Variants in SMPD3 observed in about 807,000 individuals in gnomAD.
SMPD3 encodes sphingomyelin phosphodiesterase 3.
In SMPD3, 21 loss-of-function variants were observed where a neutral mutation model predicts 55.7. That is an observed-to-expected ratio of 0.38 (90% CI 0.27 to 0.54). The LOEUF (loss-of-function observed/expected upper bound fraction) is 0.54, where lower values mean the gene tolerates loss of function less well. Among genes scored for constraint, SMPD3 ranks in the 20% least tolerant of loss-of-function variants. The pLI is 0.80. For missense variants in SMPD3, 842 were observed against 899.6 expected (o/e 0.94, Z 0.82); for synonymous variants, 457 against 404.3 (o/e 1.13, Z -1.56).
chr16:68,361,480 G>A (rs1432331844), intron 8 of SMPD3, 123 bp downstream of exon 8: 1 of 1,444,660 alleles, frequency 6.9e-7, no homozygotes, highest in Non-Finnish European at 9.4e-7. Flanking sequence ...CTGAGGGAGT[G>A]ATGGGTATCA....
In SMPD3 at chr16:68,372,378, A is replaced by G. The variant is rs1597608735; in HGVS notation, c.-197T>C. On this transcript the variant is annotated 5_prime_UTR_variant, in exon 3 of 9. Coordinates refer to ENST00000219334, the MANE Select transcript of SMPD3 (RefSeq NM_018667.4). ...ACCTCGGTGGGCCATGCGGAGGCCT[A>G]CTGCAGACCCTGCAGAGACAAAAGT... The G allele has an allele frequency of 1.5e-6, 1 of 672,442 alleles. No homozygotes were observed. Among genetic ancestry groups the G allele is most frequent in the East Asian group, 2.7e-5 (1 of 36,784 alleles). 41.7% of individuals were successfully genotyped at this position (672,442 alleles called of 1,614,324 possible).
chr16:68,402,715 G>C (rs1261223149), intron 1 of SMPD3, among the ~76,000 whole-genome samples: 1 of 152,156 alleles, frequency 6.6e-6, no homozygotes, highest in African/African-American at 2.4e-5. Context: ...GAGGCAACAA[G>C]GTTCTACGGA....
intron 2 of SMPD3, among the ~76,000 whole-genome samples, chr16:68,373,815 G>A (rs1212884231): frequency 2.6e-5 from 4 of 152,118 alleles, no homozygotes; most frequent in African/African-American, 9.7e-5. Context: ...CAGCCCCTCT[G>A]TCAGGCCTGC....
Position 68,361,614 on chromosome 16 carries a change from C to G in SMPD3, c.1855G>C (p.Asp619His). Reference sequence around the variant, plus strand: ...CCCTCCTGACTCACGGCCTTCCAGTCTGGGCACAGCCCCTCCTCTGCATGC... The same window carrying G: ...CCCTCCTGACTCACGGCCTTCCAGTGTGGGCACAGCCCCTCCTCTGCATGC... ...MLHAEEGLCPDWKAEVEEFSF... is the reference protein window; with the variant it reads ...MLHAEEGLCPHWKAEVEEFSF... Residue 619 changes from aspartate (D) to histidine (H), a missense_variant, in exon 8 of 9, where the codon GAC becomes CAC. Coordinates refer to ENST00000219334, the MANE Select transcript of SMPD3 (RefSeq NM_018667.4). 30 of 1,608,692 alleles carry G rather than the reference C, an allele frequency of 1.9e-5. No homozygotes were observed. The highest frequency in any genetic ancestry group is 2.5e-5 in the Non-Finnish European group (30 of 1,179,936).
intron 1 of SMPD3, among the ~76,000 whole-genome samples, chr16:68,445,927 C>A (rs570717399): frequency 6.6e-6 from 1 of 152,180 alleles, no homozygotes; most frequent in Non-Finnish European, 1.5e-5. Flanking sequence ...TAGTGTATGT[C>A]TGTGTTACCC....
At chr16:68,385,870 A>G (rs991704909) in intron 2 of SMPD3, among the ~76,000 whole-genome samples, 2 of 152,176 alleles carry the variant, frequency 1.3e-5, no homozygotes, top group African/African-American at 4.8e-5. Flanking sequence ...CAATTTACTG[A>G]TTGTTTGAGA....
chr16:68,437,420 C>A (rs1240336430), intron 1 of SMPD3, among the ~76,000 whole-genome samples: 1 of 152,220 alleles, frequency 6.6e-6, no homozygotes, highest in East Asian at 1.9e-4. Flanking sequence ...GCCAGATGAG[C>A]CCTTAACATT....
intron 1 of SMPD3, among the ~76,000 whole-genome samples, chr16:68,426,596 A>G (rs2090437927): frequency 6.6e-6 from 1 of 152,250 alleles, no homozygotes; most frequent in Non-Finnish European, 1.5e-5. Flanking sequence ...TGAAACAATG[A>G]AAAGCTCTTA....
rs147537503 is a variant in SMPD3, at chr16:68,370,377, G to A, written c.1323+482C>T. 9.3e-3 allele frequency: 1,483 copies of A among 160,050 alleles called. 25 individuals carry two copies. The highest frequency in any genetic ancestry group is 0.033 in the African/African-American group (1,373 of 41,584). The allele number at this position is 160,050 out of a possible 1,614,324, so 9.9% of individuals were successfully genotyped here. ...GCGGTGTCACGGCCTGGAGACCTGA[G>A]GGTCCCGTCTGCTTGCCTGATGCGC... is the stretch of plus-strand genomic sequence containing the variant. On this transcript the variant is annotated intron_variant, in intron 3 of 8. Transcript: ENST00000219334.
chr16:68,433,585 G>A (rs1210998892), intron 1 of SMPD3, among the ~76,000 whole-genome samples: 1 of 152,206 alleles, frequency 6.6e-6, no homozygotes, highest in Non-Finnish European at 1.5e-5. Context: ...GGACAACCAC[G>A]TTGGAGCTGC....
chr16:68,444,001 A>G (rs1362882463), intron 1 of SMPD3, among the ~76,000 whole-genome samples: 3 of 152,170 alleles, frequency 2.0e-5, no homozygotes, highest in African/African-American at 4.8e-5. Flanking sequence ...GATTAAATAC[A>G]TTCTTACATG....
intron 1 of SMPD3, among the ~76,000 whole-genome samples, chr16:68,428,131 G>C (rs2090450992): frequency 6.6e-6 from 1 of 152,132 alleles, no homozygotes. Flanking sequence ...CTCATCCTTG[G>C]AGCAGGGAAG....
chr16:68,378,085 C>T (rs1361097489), intron 2 of SMPD3, among the ~76,000 whole-genome samples: 1 of 152,208 alleles, frequency 6.6e-6, no homozygotes, highest in African/African-American at 2.4e-5. Context: ...GGCTGGGAGT[C>T]CCAGAGCAGA....
intron 2 of SMPD3, among the ~76,000 whole-genome samples, chr16:68,379,633 CAGG>C (rs1339858726): frequency 6.6e-6 from 1 of 152,194 alleles, no homozygotes; most frequent in African/African-American, 2.4e-5. Flanking sequence ...CGTCTCCTCG[CAGG>C]AGGTTATCAG....
At chr16:68,424,505 G>A (rs1327403877) in intron 1 of SMPD3, among the ~76,000 whole-genome samples, 11 of 152,096 alleles carry the variant, frequency 7.2e-5, no homozygotes, top group Admixed American at 7.2e-4. Context: ...CCTGGGAAAA[G>A]TAATTTTACT....
chr16:68,380,885 G>A (rs146574343), intron 2 of SMPD3, among the ~76,000 whole-genome samples: 52 of 152,356 alleles, frequency 3.4e-4, no homozygotes, highest in Middle Eastern at 3.4e-3. Context: ...TTCTGGAACG[G>A]ATTGGCCGAC....
Position 68,447,599 on chromosome 16 carries a change from G to A in SMPD3, c.-269+754C>T, listed in dbSNP as rs186625812. Among the ~76,000 whole-genome samples, 1 of 152,066 alleles carries A rather than the reference G, an allele frequency of 6.6e-6. No individual in the cohort carries two copies. The highest frequency in any genetic ancestry group is 2.1e-4 in the South Asian group (1 of 4,822). On this transcript the variant is annotated intron_variant, in intron 1 of 8. Coordinates refer to ENST00000219334, the MANE Select transcript of SMPD3 (RefSeq NM_018667.4). The surrounding 1 kb of genome is among the most constrained non-coding windows in gnomAD (Gnocchi z 5.1). ...CAACCCTCGGCGCGGGCCCGAGCGC[G>A]GGGGATTCCGAGTGTCAGTGCTTTC...
At chr16:68,439,254 C>T (rs2090548244) in intron 1 of SMPD3, among the ~76,000 whole-genome samples, 1 of 152,130 alleles carries the variant, frequency 6.6e-6, no homozygotes, top group Non-Finnish European at 1.5e-5. Flanking sequence ...CTGCCATAGC[C>T]AACTTGCCTT....
chr16:68,393,683 CTTA>C (rs1567798303), intron 1 of SMPD3, among the ~76,000 whole-genome samples: 1 of 152,118 alleles, frequency 6.6e-6, no homozygotes, highest in Non-Finnish European at 1.5e-5. Context: ...TGTCAGATCA[CTTA>C]TTCTTTCTTT....
Sources: allele counts gnomAD v4.1 joint callset (sites outside exome capture counted in the v4.1 genomes callset), GRCh38; gene constraint gnomAD v4.1.1; non-coding constraint Gnocchi (gnomAD v3.1); transcripts MANE v1.5; gene names NCBI Gene and HGNC (gene_info 2026-07-23, HGNC 2026-07-21).